The following DHRS3 variants were observed in gnomAD, a reference collection of about 807,000 sequenced individuals.
The protein encoded by DHRS3 is dehydrogenase/reductase 3.
In DHRS3, 14 loss-of-function variants were observed where a neutral mutation model predicts 27.2. The observed-to-expected ratio is 0.52, with a 90% CI of 0.34 to 0.81. DHRS3 has a LOEUF of 0.81. DHRS3 is among the 30% of genes least tolerant of loss of function. DHRS3 has a pLI of 0.01. For synonymous variants in DHRS3, 165 were observed against 175.9 expected (o/e 0.94, Z 0.49); for missense variants, 322 against 406.2 (o/e 0.79, Z 1.78).
chr1:12,569,152 G>C (rs1486892476), intron 5 of DHRS3, among the ~76,000 whole-genome samples: 3 of 151,946 alleles, frequency 2.0e-5, no homozygotes, highest in African/African-American at 7.3e-5. Context: ...GGGAGGCGGA[G>C]GTTTCGGTGG....
chr1:12,590,640 G>A (rs914356980), intron 1 of DHRS3, among the ~76,000 whole-genome samples: 2 of 151,426 alleles, frequency 1.3e-5, no homozygotes, highest in East Asian at 1.9e-4. Context: ...AGACTCTGTC[G>A]CTAAAAAAAA....
Position 12,578,103 on chromosome 1 carries a change from A to G in DHRS3, c.698+615T>C, listed in dbSNP as rs1646606483. Among the ~76,000 whole-genome samples, 1 of 152,080 alleles carries G rather than the reference A, an allele frequency of 6.6e-6. No individual in the cohort carries two copies. The highest frequency in any genetic ancestry group is 1.9e-4 in the East Asian group (1 of 5,182). On this transcript the variant is annotated intron_variant, in intron 4 of 5. Transcript: ENST00000616661. This position sits in a 1 kb window ranked among gnomAD's most constrained non-coding sequence, Gnocchi z 4.5. ...GGTGGAACCAGGCAGAATGCACCCT[A>G]TGTCTCAAGCTCCCTTCGCCCTGCA...
At position 12,572,842 on chromosome 1, in the gene DHRS3, A is replaced by T; in HGVS notation, c.710T>A (p.Leu237His). 1 of 1,602,480 alleles carries T rather than the reference A, an allele frequency of 6.2e-7. No individual in the cohort carries two copies. The highest frequency in any genetic ancestry group is 8.5e-7 in the Non-Finnish European group (1 of 1,174,824). ...FQGMRVRFPNLFPPLKPETVA... is the reference protein window; with the variant it reads ...FQGMRVRFPNHFPPLKPETVA... Reference sequence around the variant, plus strand: ...CGTCTCCGGCTTCAGTGGGGGAAAGAGGTTGGGAAACCTGAACACAGGAAG... The same window carrying T: ...CGTCTCCGGCTTCAGTGGGGGAAAGTGGTTGGGAAACCTGAACACAGGAAG... Residue 237 changes from leucine (L) to histidine (H), a missense_variant, in exon 5 of 6, where the codon CTC becomes CAC. Leu to His is a moderately conservative substitution (Grantham distance 99). Coordinates refer to ENST00000616661, the MANE Select transcript of DHRS3 (RefSeq NM_004753.7).
chr1:12,599,203 C>T (rs1646819392), intron 1 of DHRS3, among the ~76,000 whole-genome samples: 1 of 152,260 alleles, frequency 6.6e-6, no homozygotes, highest in Non-Finnish European at 1.5e-5. Flanking sequence ...TGACTGGTCT[C>T]ATGCTATCAG....
chr1:12,579,713 C>G (rs943986139), intron 2 of DHRS3: 2 of 279,290 alleles, frequency 7.2e-6, no homozygotes, highest in Non-Finnish European at 1.4e-5. Flanking sequence ...CCTCAAGTGA[C>G]CCGCCTGCCT....
chr1:12,595,484 G>A (rs1646787884), intron 1 of DHRS3, among the ~76,000 whole-genome samples: 1 of 141,486 alleles, frequency 7.1e-6, no homozygotes, highest in Non-Finnish European at 1.5e-5. Context: ...CCAAGCGGCG[G>A]ATGGGAAAGG....
chr1:12,614,441 T>C (rs1004720191), intron 1 of DHRS3, among the ~76,000 whole-genome samples: 2 of 151,998 alleles, frequency 1.3e-5, no homozygotes, highest in African/African-American at 4.8e-5. Context: ...CTGCCTCAGT[T>C]TGCCACAGTG....
chr1:12,572,957 G>A, intron 4 of DHRS3, 104 bp from the exon 5 acceptor site: 1 of 1,404,120 alleles, frequency 7.1e-7, no homozygotes, highest in Non-Finnish European at 9.4e-7. Flanking sequence ...GGCTTTTCCT[G>A]TCTGAGAGAT....
In DHRS3 at chr1:12,568,402, C is replaced by G. The variant is rs754683233; in HGVS notation, c.847G>C (p.Glu283Gln). The part of the protein sequence containing the change: ...LKSILPQAAL[E>Q]EIHKFSGTYT... ...GTTCCTGAGAATTTGTGGATCTCCT[C>G]GAGTGCAGCCTGTGGAAGTATGCTG... The change falls in exon 6 of 6, where the codon GAG (glutamate) becomes CAG (glutamine). Residue 283 changes from glutamate to glutamine, a missense_variant. Coordinates refer to ENST00000616661, the MANE Select transcript of DHRS3 (RefSeq NM_004753.7). 1 of 1,613,722 alleles carries G rather than the reference C, an allele frequency of 6.2e-7. No homozygotes were observed. The highest frequency in any genetic ancestry group is 1.7e-5 in the Admixed American group (1 of 60,008).
chr1:12,573,543 G>T (rs961224768), intron 4 of DHRS3, among the ~76,000 whole-genome samples: 3 of 152,186 alleles, frequency 2.0e-5, no homozygotes, highest in Non-Finnish European at 4.4e-5. Context: ...ATACTTGAAG[G>T]ACTGAACACA....
chr1:12,614,570 C>T (rs1646931651), intron 1 of DHRS3, among the ~76,000 whole-genome samples: 1 of 151,862 alleles, frequency 6.6e-6, no homozygotes, highest in East Asian at 1.9e-4. Context: ...GGCTCACCAC[C>T]ACCCACAAAT....
rs1182439968 is a variant in DHRS3, at chr1:12,578,728, T to G, written c.688A>C (p.Met230Leu). 1 of 1,613,052 alleles carries G rather than the reference T, an allele frequency of 6.2e-7. No individual in the cohort carries two copies. The highest frequency in any genetic ancestry group is 1.7e-5 in the Admixed American group (1 of 60,004). The stretch of plus-strand genomic sequence containing the variant: ...CCCCTGCTCACTGACCTGACTCTCA[T>G]GCCCTGGAACATCTCGGTGCTGGTG... Reference protein sequence around the residue: ...FHTSTEMFQGMRVRFPNLFPP... With the variant: ...FHTSTEMFQGLRVRFPNLFPP... Residue 230 changes from methionine to leucine, a missense_variant, in exon 4 of 6, where the codon ATG becomes CTG. Transcript: ENST00000616661. This position sits in a 1 kb window ranked among gnomAD's most constrained non-coding sequence, Gnocchi z 4.5.
chr1:12,606,329 A>G (rs865883080), intron 1 of DHRS3, among the ~76,000 whole-genome samples: 1 of 150,380 alleles, frequency 6.6e-6, no homozygotes, highest in South Asian at 2.1e-4. Flanking sequence ...AAAAAAAAAA[A>G]GCCAATACCA....
chr1:12,585,258 AGTGT>A (rs1364994611), intron 1 of DHRS3, among the ~76,000 whole-genome samples: 1 of 20,048 alleles, frequency 5.0e-5, no homozygotes, highest in Non-Finnish European at 1.2e-4. Flanking sequence ...TGTGTCTCTG[AGTGT>A]GTGTCTCTCT....
At position 12,592,810 on chromosome 1, in the gene DHRS3, CCT is replaced by C. The variant is rs770381845; in HGVS notation, c.196-12146_196-12145del. 6.6e-5 allele frequency among the ~76,000 whole-genome samples: 10 copies of C among 152,194 alleles called. No individual in the cohort carries two copies. Among genetic ancestry groups the C allele is most frequent in the Non-Finnish European group, 1.3e-4 (9 of 68,028 alleles). On this transcript the variant is annotated intron_variant, in intron 1 of 5. Transcript: ENST00000616661. The surrounding 1 kb of genome is among the most constrained non-coding windows in gnomAD (Gnocchi z 4.2). ...AGGCTGCTTCCCCTCCACACCACTC[CCT>C]GTTTTCAGATGCCAAGCTCTTTTTA...
chr1:12,581,503 C>A (rs1250366947), intron 1 of DHRS3, among the ~76,000 whole-genome samples: 2 of 152,188 alleles, frequency 1.3e-5, no homozygotes, highest in African/African-American at 4.8e-5. Flanking sequence ...AGTGACGAGG[C>A]TGCCACTGAG....
At chr1:12,616,739 G>A (rs1036662595) in intron 1 of DHRS3, 8 of 1,013,502 alleles carry the variant, frequency 7.9e-6, no homozygotes, top group Non-Finnish European at 9.4e-6. Flanking sequence ...GAAAATACGA[G>A]GCGCCAGCTA....
At chr1:12,615,005 G>A (rs1447804461) in intron 1 of DHRS3, among the ~76,000 whole-genome samples, 1 of 151,974 alleles carries the variant, frequency 6.6e-6, no homozygotes, top group Non-Finnish European at 1.5e-5. Context: ...CCACTCCCTC[G>A]ACACTTGACC....
intron 1 of DHRS3, among the ~76,000 whole-genome samples, chr1:12,615,569 G>C (rs972122917): frequency 3.3e-5 from 5 of 152,090 alleles, no homozygotes; most frequent in African/African-American, 9.7e-5. Flanking sequence ...TCTGCCTACT[G>C]TAGTCAGCTA....
Sources: gnomAD v4.1 joint callset for allele counts (sites outside exome capture counted in the v4.1 genomes callset) on GRCh38, gnomAD v4.1.1 for gene constraint, Gnocchi (gnomAD v3.1) non-coding constraint, MANE v1.5 for transcripts, NCBI Gene and HGNC (gene_info 2026-07-23, HGNC 2026-07-21) for gene names.